The following SCLT1 variants were observed in gnomAD, a reference collection of about 807,000 sequenced individuals.
SCLT1 encodes sodium channel and clathrin linker 1, also known as sodium channel-associated protein 1.
A neutral mutation model predicts 112.8 loss-of-function variants in SCLT1; 78 were observed. The observed-to-expected ratio is 0.69, with a 90% CI of 0.58 to 0.83. SCLT1 has a LOEUF of 0.83. SCLT1 is among the 40% of genes least tolerant of loss of function. The pLI is 0.00. For synonymous variants in SCLT1, 257 were observed against 254.7 expected, an observed-to-expected ratio of 1.01 and a Z score of -0.09; for missense variants, 747 against 770.4, an observed-to-expected ratio of 0.97 and a Z score of 0.36.
At position 129,011,992 on chromosome 4, in the gene SCLT1, T is replaced by C. The variant is rs1318025527; in HGVS notation, c.291-8116A>G. ...TTTTCCAAAAAACCAGCTTCTGTGT[T>C]CTTTGATCTTCTGGATGTTTTTTTG... On this transcript the variant is annotated intron_variant, in intron 5 of 20. Transcript: ENST00000281142. Among the ~76,000 whole-genome samples the C allele has an allele frequency of 2.0e-5, 3 of 152,030 alleles. No individual in the cohort carries two copies. In the East Asian group the frequency reaches 5.8e-4, roughly 29 times the overall value.
chr4:128,933,529 CA>C (rs1316811438), intron 18 of SCLT1, among the ~76,000 whole-genome samples: 1 of 152,038 alleles, frequency 6.6e-6, no homozygotes, highest in Non-Finnish European at 1.5e-5. Flanking sequence ...TTTGTGATGA[CA>C]AAGTATTTTC....
chr4:129,026,849 T>C (rs1746144067), intron 5 of SCLT1, among the ~76,000 whole-genome samples: 2 of 151,916 alleles, frequency 1.3e-5, no homozygotes, highest in African/African-American at 4.8e-5. Context: ...ATAGACGCAA[T>C]AAAAAATGAT....
intron 3 of SCLT1, 34 bp downstream of exon 3, chr4:129,043,959 C>T (rs370789665): frequency 8.7e-5 from 90 of 1,037,296 alleles, no homozygotes; most frequent in South Asian, 4.9e-4. Flanking sequence ...TTAAATATAA[C>T]GAAGAAAATG....
chr4:128,937,233 G>T (rs542867398), intron 17 of SCLT1, among the ~76,000 whole-genome samples: 1 of 148,698 alleles, frequency 6.7e-6, no homozygotes, highest in Non-Finnish European at 1.5e-5. Context: ...AGCTGAGATC[G>T]CACCACTGCA....
At chr4:129,027,136 G>A (rs1016578414) in intron 5 of SCLT1, among the ~76,000 whole-genome samples, 4 of 152,122 alleles carry the variant, frequency 2.6e-5, no homozygotes, top group Non-Finnish European at 4.4e-5. Flanking sequence ...GGAGGAACTG[G>A]TACCATTCCT....
chr4:128,874,423 T>C (rs1732418870), exon 5 of SCLT1: 1 of 152,374 alleles, frequency 6.6e-6, no homozygotes, highest in South Asian at 2.1e-4. Context: ...ACCTGTTTTT[T>C]CCCCACATTT....
At chr4:128,984,871 T>C (rs1741955616) in intron 9 of SCLT1, among the ~76,000 whole-genome samples, 2 of 152,142 alleles carry the variant, frequency 1.3e-5, no homozygotes, top group African/African-American at 4.8e-5. Context: ...CTCCATTTCA[T>C]AAGTTCATAC....
In SCLT1 at chr4:128,994,713, G is replaced by A. The variant is rs746251410; in HGVS notation, c.616-2476C>T. Among the ~76,000 whole-genome samples the A allele has an allele frequency of 5.9e-5, 9 of 152,044 alleles. 1 individual carries two copies. The highest frequency in any genetic ancestry group is 1.0e-4 in the Non-Finnish European group (7 of 68,008). ...GTTTTGATAATAATCCCTCTGACACGTGTGAGGTGATACATCATTGTAGTT... is the reference window on the plus strand; with the variant it reads ...GTTTTGATAATAATCCCTCTGACACATGTGAGGTGATACATCATTGTAGTT... On this transcript the variant is annotated intron_variant, in intron 8 of 20. Coordinates refer to ENST00000281142, the MANE Select transcript of SCLT1 (RefSeq NM_144643.4).
At chr4:129,053,416 T>C (rs1051392823) in intron 2 of SCLT1, among the ~76,000 whole-genome samples, 5 of 152,126 alleles carry the variant, frequency 3.3e-5, no homozygotes, top group Non-Finnish European at 7.4e-5. Flanking sequence ...GGTCCTCCTG[T>C]ATTGGGTGTA....
At chr4:128,994,569 A>C (rs1311530496) in intron 8 of SCLT1, among the ~76,000 whole-genome samples, 1 of 152,028 alleles carries the variant, frequency 6.6e-6, no homozygotes. Flanking sequence ...TTATATTTTT[A>C]TTTTTTTGAG....
intron 4 of SCLT1, 26 bp from the exon 5 acceptor site, chr4:129,039,122 A>G (rs1417510031): frequency 6.5e-7 from 1 of 1,542,248 alleles, no homozygotes; most frequent in South Asian, 1.1e-5. Flanking sequence ...ATGGTGTGGC[A>G]ATACATTTTG....
At chr4:128,892,182 T>C (rs957236750) in intron 18 of SCLT1, among the ~76,000 whole-genome samples, 1 of 152,244 alleles carries the variant, frequency 6.6e-6, no homozygotes, top group Non-Finnish European at 1.5e-5. Flanking sequence ...ATAAGTATTC[T>C]ATTGCTTTTA....
intron 9 of SCLT1, among the ~76,000 whole-genome samples, chr4:128,976,186 T>G (rs928352784): frequency 6.6e-6 from 1 of 152,210 alleles, no homozygotes; most frequent in African/African-American, 2.4e-5. Flanking sequence ...ATAGGCTTTT[T>G]CACATCATAT....
chr4:129,065,935 A>T (rs913594960), intron 2 of SCLT1, among the ~76,000 whole-genome samples: 3 of 152,070 alleles, frequency 2.0e-5, no homozygotes, highest in Non-Finnish European at 4.4e-5. Flanking sequence ...TGAACAAGCT[A>T]TGCATATATG....
rs1740611015 is a variant in SCLT1, at chr4:128,970,617, TACTAATG to T, written c.687-156_687-150del. 81 of 598,824 alleles carry T rather than the reference TACTAATG, an allele frequency of 1.4e-4. No homozygotes were observed. In the South Asian group the frequency reaches 1.6e-3, roughly 12 times the overall value. The allele number at this position is 598,824 out of a possible 1,614,324, so 37.1% of individuals were successfully genotyped here. A position where few individuals can be genotyped will look rare whatever the true frequency, so the allele number is the denominator to read the frequency against. On this transcript the variant is annotated intron_variant, in intron 9 of 20. Coordinates refer to ENST00000281142, the MANE Select transcript of SCLT1 (RefSeq NM_144643.4). ...AATAAATTTTGGAAGATTCCTTTAT[TACTAATG>T]AAGTGCATGTAGAAGATATTAAAGA... is the stretch of plus-strand genomic sequence containing the variant.
At chr4:129,022,224 G>C (rs1412956577) in intron 5 of SCLT1, among the ~76,000 whole-genome samples, 4 of 152,140 alleles carry the variant, frequency 2.6e-5, no homozygotes, top group African/African-American at 9.7e-5. Flanking sequence ...CCAAAAACCA[G>C]AATGCCTCTT....
At chr4:129,057,069 C>CT (rs1398828088) in intron 2 of SCLT1, among the ~76,000 whole-genome samples, 1 of 152,040 alleles carries the variant, frequency 6.6e-6, no homozygotes, top group Non-Finnish European at 1.5e-5. Context: ...TTATCGCTTG[C>CT]TTTTTTTGGA....
chr4:128,911,719 C>T (rs963856968), intron 18 of SCLT1, among the ~76,000 whole-genome samples: 8 of 152,110 alleles, frequency 5.3e-5, no homozygotes, highest in East Asian at 1.9e-4. Flanking sequence ...GAAGTTTCCA[C>T]GGGGAATAAA....
chr4:128,912,725 G>T lies in SCLT1; in HGVS notation c.1830-21588C>A, dbSNP rs1668295. On this transcript the variant is annotated intron_variant, in intron 18 of 20. Transcript: ENST00000281142. ...TCCTCCTCTTCCCCTCCTCCTCTTC[G>T]CCCTCCTCCTCCTTTTTCTTTGTAT... Among the ~76,000 whole-genome samples, 3 of 152,114 alleles carry T rather than the reference G, an allele frequency of 2.0e-5. No homozygotes were observed. The South Asian group carries it at 6.2e-4, about 32-fold the overall frequency.
Sources: allele counts gnomAD v4.1 joint callset (sites outside exome capture counted in the v4.1 genomes callset), GRCh38; gene constraint gnomAD v4.1.1; transcripts MANE v1.5; gene names NCBI Gene and HGNC (gene_info 2026-07-23, HGNC 2026-07-21).